Variants in DAB1 observed in about 807,000 individuals in gnomAD.
DAB1 encodes disabled homolog 1.
In DAB1, 15 loss-of-function variants were observed where a neutral mutation model predicts 64.6. The observed-to-expected ratio is 0.23, with a 90% CI of 0.16 to 0.36. DAB1 has a LOEUF of 0.36. DAB1 is among the 10% of genes least tolerant of loss of function. The pLI, the probability that DAB1 is intolerant of heterozygous loss-of-function variation, is 1.00. For missense variants in DAB1, 596 were observed against 706.7 expected, an observed-to-expected ratio of 0.84 and a Z score of 1.78; for synonymous variants, 235 against 251.9, an observed-to-expected ratio of 0.93 and a Z score of 0.64.
At chr1:57,264,881 T>C (rs1433241471) in intron 2 of DAB1, among the ~76,000 whole-genome samples, 1 of 152,238 alleles carries the variant, frequency 6.6e-6, no homozygotes, top group East Asian at 1.9e-4. Context: ...ATATCAACAA[T>C]AGTAATCTCA....
chr1:57,154,591 C>G (rs941461114), intron 2 of DAB1, among the ~76,000 whole-genome samples: 2 of 152,152 alleles, frequency 1.3e-5, no homozygotes, highest in African/African-American at 4.8e-5. Flanking sequence ...TATTGTAGCT[C>G]TATTTCTAGT....
intron 4 of DAB1, among the ~76,000 whole-genome samples, chr1:58,219,023 C>CTGTGTGTG (rs1376007172): frequency 8.7e-6 from 1 of 115,400 alleles, no homozygotes; most frequent in African/African-American, 3.7e-5. Context: ...CTCTCTCTCT[C>CTGTGTGTG]TCTGTGTGTG....
At chr1:57,733,688 A>G (rs1203872839) in intron 6 of DAB1, among the ~76,000 whole-genome samples, 2 of 152,082 alleles carry the variant, frequency 1.3e-5, no homozygotes, top group African/African-American at 4.8e-5. Context: ...AGGTCGAGCG[A>G]TTTGCCAAAT....
intron 3 of DAB1, among the ~76,000 whole-genome samples, chr1:58,405,367 T>G (rs953041975): frequency 5.3e-5 from 8 of 152,076 alleles, no homozygotes; most frequent in South Asian, 4.2e-4. Context: ...CCTATAAATC[T>G]ATTCTGTTTG....
chr1:58,282,629 G>C (rs189239938), intron 4 of DAB1, among the ~76,000 whole-genome samples: 1 of 151,908 alleles, frequency 6.6e-6, no homozygotes, highest in Non-Finnish European at 1.5e-5. Flanking sequence ...AGTGTGGGGT[G>C]GGGAGCAGGC....
chr1:57,583,317 C>T (rs1251278958), intron 7 of DAB1, among the ~76,000 whole-genome samples: 40 of 145,130 alleles, frequency 2.8e-4, no homozygotes, highest in Non-Finnish European at 5.4e-4. Context: ...GATGGAATCT[C>T]GCCCTGTAGC....
chr1:57,611,756 A>G (rs915901056), intron 7 of DAB1, among the ~76,000 whole-genome samples: 3 of 152,226 alleles, frequency 2.0e-5, no homozygotes, highest in Non-Finnish European at 2.9e-5. Flanking sequence ...AGCCCCTAGC[A>G]GGCCTTGCTA....
In DAB1 at chr1:57,142,814, C is replaced by T. The variant is rs187851868; in HGVS notation, c.207+2476G>A. Among the ~76,000 whole-genome samples, 144 of 152,220 alleles carry T rather than the reference C, an allele frequency of 9.5e-4. 1 individual carries two copies. Among genetic ancestry groups the T allele is most frequent in the Non-Finnish European group, 1.7e-3 (113 of 68,006 alleles). On this transcript the variant is annotated intron_variant, in intron 3 of 14. Coordinates refer to ENST00000371236, the MANE Select transcript of DAB1 (RefSeq NM_001365792.1). The stretch of plus-strand genomic sequence containing the variant: ...GACCGATCCTGGTGAATGGTCATCT[C>T]CCAGATGCTGGGAGCATGAGCTCTT...
At chr1:58,009,255 C>A (rs1262338752) in intron 5 of DAB1, among the ~76,000 whole-genome samples, 1 of 152,122 alleles carries the variant, frequency 6.6e-6, no homozygotes, top group Non-Finnish European at 1.5e-5. Flanking sequence ...CCTTGTAAAC[C>A]TAGTGCTCTT....
intron 3 of DAB1, among the ~76,000 whole-genome samples, chr1:58,388,646 T>C (rs1644453104): frequency 6.6e-6 from 1 of 152,232 alleles, no homozygotes; most frequent in Non-Finnish European, 1.5e-5. Flanking sequence ...ACAAAAATCT[T>C]CCATTTAGTT....
chr1:57,608,802 T>A (rs1486769872), intron 7 of DAB1, among the ~76,000 whole-genome samples: 1 of 152,150 alleles, frequency 6.6e-6, no homozygotes, highest in Non-Finnish European at 1.5e-5. Flanking sequence ...AAACATATGT[T>A]CTTAACCCCT....
chr1:57,989,410 T>C (rs1646295067), intron 5 of DAB1, among the ~76,000 whole-genome samples: 1 of 152,144 alleles, frequency 6.6e-6, no homozygotes, highest in Admixed American at 6.5e-5. Context: ...TTCCTTTTGA[T>C]TCAAACAAGT....
chr1:57,887,569 T>G (rs1465580224), upstream of DAB1, among the ~76,000 whole-genome samples: 1 of 152,190 alleles, frequency 6.6e-6, no homozygotes, highest in Non-Finnish European at 1.5e-5. Context: ...TTCCTATCAG[T>G]CACATATTCA....
At chr1:57,113,951 T>C (rs1206448790) in intron 4 of DAB1, among the ~76,000 whole-genome samples, 3 of 152,190 alleles carry the variant, frequency 2.0e-5, no homozygotes, top group Non-Finnish European at 4.4e-5. Context: ...GCACATACTC[T>C]TAGAGTACAG....
rs1328631874 is a variant in DAB1 at position 57,193,379 on chromosome 1, A to ATTTTTTTT, written c.68-47951_68-47950insAAAAAAAA. Among the ~76,000 whole-genome samples the ATTTTTTTT allele has an allele frequency of 2.9e-4, 21 of 71,588 alleles. 1 individual carries two copies. The highest frequency in any genetic ancestry group is 8.2e-4 in the African/African-American group (15 of 18,202). 47.0% of individuals were successfully genotyped at this position (71,588 alleles called of 152,430 possible). On this transcript the variant is annotated intron_variant, in intron 2 of 14. Coordinates refer to ENST00000371236, the MANE Select transcript of DAB1 (RefSeq NM_001365792.1). ...TGCCTTCCAGATTCATCCGTAGCAT[A>ATTTTTTTT]TGTTTTTTTTTTTTTTTTTTTTTTT...
At chr1:57,964,401 C>A (rs1340715293) in intron 5 of DAB1, among the ~76,000 whole-genome samples, 1 of 152,172 alleles carries the variant, frequency 6.6e-6, no homozygotes, top group Admixed American at 6.5e-5. Context: ...TTTCACAGAA[C>A]CTTATGAGGT....
At chr1:57,278,065 G>T (rs1671609047) in intron 2 of DAB1, among the ~76,000 whole-genome samples, 1 of 152,180 alleles carries the variant, frequency 6.6e-6, no homozygotes, top group South Asian at 2.1e-4. Context: ...TTTTACAACA[G>T]GAACCAGACC....
At chr1:58,366,127 C>T (rs1355337325) in intron 3 of DAB1, among the ~76,000 whole-genome samples, 11 of 152,160 alleles carry the variant, frequency 7.2e-5, no homozygotes, top group Admixed American at 7.2e-4. Context: ...TGGTGGATGG[C>T]AAGTTGACTA....
intron 7 of DAB1, among the ~76,000 whole-genome samples, chr1:57,616,624 C>A (rs779319826): frequency 6.6e-6 from 1 of 152,126 alleles, no homozygotes; most frequent in Non-Finnish European, 1.5e-5. Context: ...CTATGGTTTC[C>A]TACAGATCAC....
Sources: gnomAD v4.1 joint callset for allele counts (sites outside exome capture counted in the v4.1 genomes callset) on GRCh38, gnomAD v4.1.1 for gene constraint, MANE v1.5 for transcripts, NCBI Gene and HGNC (gene_info 2026-07-23, HGNC 2026-07-21) for gene names.